The following CPQ variants were observed in gnomAD, a reference collection of about 807,000 sequenced individuals.
The protein encoded by CPQ is Ser-Met dipeptidase.
Under a neutral mutation model 45.7 loss-of-function variants are expected in CPQ, and 37 were observed. That is an observed-to-expected ratio of 0.81 (90% CI 0.62 to 1.07). CPQ has a LOEUF of 1.07. CPQ is among the 50% of genes least tolerant of loss of function. The pLI is 0.00. For missense variants in CPQ, 537 were observed against 572.9 expected (o/e 0.94, Z 0.64); for synonymous variants, 186 against 205.8 (o/e 0.90, Z 0.82).
intron 4 of CPQ, among the ~76,000 whole-genome samples, chr8:96,905,760 CAAA>C (rs747470074): frequency 9.2e-5 from 6 of 64,872 alleles, no homozygotes; most frequent in South Asian, 1.1e-3. Flanking sequence ...CTGTCTTAAC[CAAA>C]AAAAAAAAAA....
At chr8:96,943,575 G>A (rs1291212374) in intron 4 of CPQ, among the ~76,000 whole-genome samples, 1 of 152,098 alleles carries the variant, frequency 6.6e-6, no homozygotes, top group Non-Finnish European at 1.5e-5. Flanking sequence ...CTTGCATAAT[G>A]TTGCACAGCA....
At chr8:96,890,647 G>C (rs1174666661) in intron 4 of CPQ, among the ~76,000 whole-genome samples, 2 of 152,160 alleles carry the variant, frequency 1.3e-5, no homozygotes, top group Non-Finnish European at 2.9e-5. Context: ...GGCCAACACT[G>C]TAACTCCCTT....
chr8:97,026,143 G>A (rs1240843577), intron 5 of CPQ, among the ~76,000 whole-genome samples: 2 of 152,178 alleles, frequency 1.3e-5, no homozygotes, highest in South Asian at 4.1e-4. Context: ...GTCTCACCTA[G>A]TTCTCCCACA....
rs1563496636 is a variant in CPQ, at chr8:96,785,288, G to A, written c.391G>A (p.Ala131Thr). 8 of 1,612,494 alleles carry A rather than the reference G, an allele frequency of 5.0e-6. No homozygotes were observed. In the Admixed American group the frequency reaches 1.3e-4, roughly 27 times the overall value. ...GCTGGAGCCAAGAATTCATAAGATA[G>A]CCATCCTGGGTCTTGGCAGCAGCAT... is the stretch of plus-strand genomic sequence containing the variant. ...VMLEPRIHKI[A>T]ILGLGSSIGT... The change falls in exon 2 of 8, where the codon GCC becomes ACC. Residue 131 changes from alanine (A) to threonine (T), a missense_variant. Transcript: ENST00000220763.
intron 3 of CPQ, among the ~76,000 whole-genome samples, chr8:96,859,523 TG>T (rs1811900425): frequency 6.6e-6 from 1 of 152,188 alleles, no homozygotes. Flanking sequence ...CAGCTTAGGG[TG>T]GCAAGTGTCC....
At chr8:96,822,261 C>T (rs1285521885) in intron 2 of CPQ, among the ~76,000 whole-genome samples, 1 of 151,924 alleles carries the variant, frequency 6.6e-6, no homozygotes, top group Non-Finnish European at 1.5e-5. Context: ...AATAGTAATT[C>T]CATTGTGCCT....
At chr8:97,061,710 G>A (rs972161681) in intron 6 of CPQ, among the ~76,000 whole-genome samples, 3 of 152,072 alleles carry the variant, frequency 2.0e-5, no homozygotes, top group Non-Finnish European at 4.4e-5. Context: ...GCCTAGCATC[G>A]TTGTAATCAG....
chr8:96,984,860 T>G (rs1461743165), intron 5 of CPQ, among the ~76,000 whole-genome samples: 1 of 152,198 alleles, frequency 6.6e-6, no homozygotes, highest in Non-Finnish European at 1.5e-5. Flanking sequence ...TCAGCTGTTA[T>G]GATTTAGTTA....
At chr8:96,984,153 CTTAA>C (rs1813960107) in intron 5 of CPQ, among the ~76,000 whole-genome samples, 1 of 151,802 alleles carries the variant, frequency 6.6e-6, no homozygotes, top group Non-Finnish European at 1.5e-5. Context: ...GTATATTTGT[CTTAA>C]TTAAATAATA....
intron 1 of CPQ, among the ~76,000 whole-genome samples, chr8:96,773,545 T>C (rs1286669378): frequency 6.6e-6 from 1 of 152,132 alleles, no homozygotes; most frequent in African/African-American, 2.4e-5. Flanking sequence ...AGTCTATAAC[T>C]TCACAGACTG....
chr8:96,923,687 A>C (rs565498833), intron 4 of CPQ, among the ~76,000 whole-genome samples: 14 of 152,226 alleles, frequency 9.2e-5, no homozygotes, highest in Non-Finnish European at 1.6e-4. Flanking sequence ...ATGAGAGATA[A>C]GATGCTCTGT....
intron 7 of CPQ, among the ~76,000 whole-genome samples, chr8:97,126,102 A>G (rs1451789568): frequency 6.6e-6 from 1 of 152,224 alleles, no homozygotes; most frequent in Non-Finnish European, 1.5e-5. Context: ...TTTCAAGGAA[A>G]AAATGAGGAA....
intron 7 of CPQ, among the ~76,000 whole-genome samples, chr8:97,101,951 C>CTCTCT (rs1563580569): frequency 1.1e-5 from 1 of 90,740 alleles, no homozygotes; most frequent in African/African-American, 4.5e-5. Flanking sequence ...TCCCTCCCTC[C>CTCTCT]CTCTCTCTCT....
At chr8:96,709,269 C>A (rs941546530) in intron 1 of CPQ, among the ~76,000 whole-genome samples, 3 of 152,002 alleles carry the variant, frequency 2.0e-5, no homozygotes, top group Non-Finnish European at 2.9e-5. Context: ...GCTTCTGAGT[C>A]TCCAAAATCC....
chr8:97,040,800 G>A (rs184402874), intron 6 of CPQ, among the ~76,000 whole-genome samples: 64 of 152,240 alleles, frequency 4.2e-4, no homozygotes, highest in African/African-American at 6.3e-4. Flanking sequence ...TTGAAGATAC[G>A]TGGCATTATT....
intron 1 of CPQ, among the ~76,000 whole-genome samples, chr8:96,648,918 T>C (rs1199950640): frequency 1.3e-5 from 2 of 152,228 alleles, no homozygotes; most frequent in Non-Finnish European, 2.9e-5. Context: ...CAGACAGTGA[T>C]GGTCCTTGAA....
rs372241683 is a variant in CPQ at position 96,737,355 on chromosome 8, G to GATATATATATATATATATATATAT, written c.-34-47495_-34-47494insATATATATATATATATATATATAT. 2.8e-3 allele frequency among the ~76,000 whole-genome samples: 336 copies of GATATATATATATATATATATATAT among 117,902 alleles called. 8 individuals are homozygous for GATATATATATATATATATATATAT. The highest frequency in any genetic ancestry group is 7.6e-3 in the African/African-American group (227 of 30,044). 77.3% of individuals were successfully genotyped at this position (117,902 alleles called of 152,430 possible). ...ACACACTCACACAGAACTAATAGGA[G>GATATATATATATATATATATATAT]ATATATATATATATGAGTTTATTAA... On this transcript the variant is annotated intron_variant, in intron 1 of 7. Transcript: ENST00000220763.
chr8:97,116,506 A>G (rs1811596729), intron 7 of CPQ, among the ~76,000 whole-genome samples: 1 of 152,076 alleles, frequency 6.6e-6, no homozygotes, highest in African/African-American at 2.4e-5. Flanking sequence ...AAAGTCTGAA[A>G]ACCCTTAACA....
intron 6 of CPQ, among the ~76,000 whole-genome samples, chr8:97,035,915 G>A (rs891644018): frequency 1.3e-5 from 2 of 152,086 alleles, no homozygotes; most frequent in African/African-American, 4.8e-5. Flanking sequence ...CACCGTGTTA[G>A]CCAAGATGGT....
Sources: gnomAD v4.1 joint callset for allele counts (sites outside exome capture counted in the v4.1 genomes callset) on GRCh38, gnomAD v4.1.1 for gene constraint, MANE v1.5 for transcripts, NCBI Gene and HGNC (gene_info 2026-07-23, HGNC 2026-07-21) for gene names.